Variants in MAN2B2 observed in about 807,000 individuals in gnomAD.
The protein encoded by MAN2B2 is mannosidase alpha class 2B member 2.
MAN2B2 carries 106 observed loss-of-function variants against 117.1 expected under a neutral mutation model. The ratio of observed to expected loss-of-function variants is 0.90; its 90% CI spans 0.77 to 1.06. The LOEUF (loss-of-function observed/expected upper bound fraction) is 1.06. Ranked by LOEUF, MAN2B2 falls within the 50% of genes least tolerant of loss-of-function variation. The pLI, the probability that MAN2B2 is intolerant of heterozygous loss-of-function variation, is 0.00. For missense variants in MAN2B2, 1,326 were observed against 1,381.4 expected (o/e 0.96, Z 0.64); for synonymous variants, 544 against 595.1 (o/e 0.91, Z 1.25).
intron 6 of MAN2B2, among the ~76,000 whole-genome samples, chr4:6,594,197 C>A (rs1036517930): frequency 2.0e-5 from 3 of 152,300 alleles, no homozygotes; most frequent in Non-Finnish European, 2.9e-5. Flanking sequence ...AATCCCAGCA[C>A]TTTGGGAGGC....
At chr4:6,579,166 C>T (rs796219667) in intron 3 of MAN2B2, among the ~76,000 whole-genome samples, 4 of 95,408 alleles carry the variant, frequency 4.2e-5, no homozygotes, top group Non-Finnish European at 7.0e-5. Flanking sequence ...CCATCACCAC[C>T]ACCACCACCA....
chr4:6,615,029 G>A (rs994831898), intron 16 of MAN2B2, among the ~76,000 whole-genome samples: 3 of 152,224 alleles, frequency 2.0e-5, no homozygotes, highest in African/African-American at 7.2e-5. Flanking sequence ...CGTGAGCAGT[G>A]GAAAGGCAGG....
intron 17 of MAN2B2, chr4:6,617,839 A>C (rs76883859): frequency 0.11 from 21,152 of 190,768 alleles, 1,377 homozygotes; most frequent in African/African-American, 0.15. Context: ...CGCCACCACG[A>C]TGGCTAAGTT....
intron 15 of MAN2B2, among the ~76,000 whole-genome samples, 177 bp downstream of exon 15, chr4:6,611,455 A>C (rs1350325155): frequency 6.6e-6 from 1 of 152,200 alleles, no homozygotes; most frequent in Non-Finnish European, 1.5e-5. Context: ...GAGGGCAAAC[A>C]GTGGCTCACT....
intron 16 of MAN2B2, among the ~76,000 whole-genome samples, chr4:6,615,663 G>A (rs907946391): frequency 6.6e-6 from 1 of 152,054 alleles, no homozygotes; most frequent in Non-Finnish European, 1.5e-5. Context: ...AGGCGGGTGT[G>A]GTGATGCTTG....
chr4:6,608,476 C>T (rs1727632181), intron 11 of MAN2B2, among the ~76,000 whole-genome samples: 2 of 152,206 alleles, frequency 1.3e-5, no homozygotes, highest in Admixed American at 1.3e-4. Flanking sequence ...ATACTTGACC[C>T]CCTCCTGCTC....
chr4:6,575,372 C>A (rs1017710962), intron 1 of MAN2B2, 24 bp downstream of exon 1: 16 of 1,475,204 alleles, frequency 1.1e-5, no homozygotes, highest in Admixed American at 4.2e-5. Context: ...ACGCCCCGCG[C>A]GCCCCTGAGG....
At chr4:6,586,888 A>G (rs1726650196) in intron 3 of MAN2B2, 108 bp from the exon 4 acceptor site, 2 of 957,098 alleles carry the variant, frequency 2.1e-6, no homozygotes, top group Admixed American at 2.2e-5. Context: ...CTGGCCCAGT[A>G]GCTGGCACTG....
chr4:6,614,679 C>T (rs1711775682), intron 16 of MAN2B2, among the ~76,000 whole-genome samples: 1 of 152,238 alleles, frequency 6.6e-6, no homozygotes, highest in Non-Finnish European at 1.5e-5. Flanking sequence ...GCCAGTCCTA[C>T]TTCTTCCAGG....
At chr4:6,583,413 A>AGT (rs1310419781) in intron 3 of MAN2B2, among the ~76,000 whole-genome samples, 1 of 152,112 alleles carries the variant, frequency 6.6e-6, no homozygotes, top group African/African-American at 2.4e-5. Flanking sequence ...ACCAAGAAGG[A>AGT]GTGTGTGGTT....
chr4:6,622,275 G>A lies in MAN2B2; in HGVS notation c.*990G>A, dbSNP rs778593508. The A allele has an allele frequency of 3.3e-5, 5 of 152,212 alleles. No individual in the cohort carries two copies. The highest frequency in any genetic ancestry group is 6.5e-5 in the Admixed American group (1 of 15,284). The allele number at this position is 152,212 out of a possible 1,614,324, so 9.4% of individuals were successfully genotyped here. A position where few individuals can be genotyped will look rare whatever the true frequency, so the allele number is the denominator to read the frequency against. On this transcript the variant is annotated 3_prime_UTR_variant, in exon 19 of 19. Coordinates refer to ENST00000285599, the MANE Select transcript of MAN2B2 (RefSeq NM_015274.3). ...CATTGGTGGTTGCCAGGTACTGGAG[G>A]AAGAGAGAAGAGGCATGACAGCTAA...
intron 15 of MAN2B2, among the ~76,000 whole-genome samples, 196 bp downstream of exon 15, chr4:6,611,474 T>TA (rs1711550631): frequency 1.3e-5 from 2 of 152,198 alleles, no homozygotes. Flanking sequence ...CTTAAGGTCA[T>TA]ACAACTAGGA....
intron 17 of MAN2B2, 107 bp downstream of exon 17, chr4:6,617,599 T>G (rs1413820650): frequency 7.8e-6 from 12 of 1,548,082 alleles, no homozygotes; most frequent in Non-Finnish European, 1.0e-5. Context: ...TCCTCCCAAA[T>G]GGACGCTGGT....
chr4:6,600,616 T>C lies in MAN2B2; in HGVS notation c.1406-7T>C, dbSNP rs571057131. 32 of 1,613,586 alleles carry C rather than the reference T, an allele frequency of 2.0e-5. No homozygotes were observed. The African/African-American group carries it at 2.9e-4, about 15-fold the overall frequency. Reference sequence around the variant, plus strand: ...TGGCACAAGCAAAGCCTCTTCTCTGTGTGCAGATGCAGGACCTGCAGGACA... The same window carrying C: ...TGGCACAAGCAAAGCCTCTTCTCTGCGTGCAGATGCAGGACCTGCAGGACA... On this transcript the variant is annotated splice_polypyrimidine_tract_variant and splice_region_variant and intron_variant, in intron 9 of 18. Coordinates refer to ENST00000285599, the MANE Select transcript of MAN2B2 (RefSeq NM_015274.3).
At chr4:6,619,691 C>G in intron 17 of MAN2B2, 1 of 448,616 alleles carries the variant, frequency 2.2e-6, no homozygotes, top group Non-Finnish European at 4.1e-6. Flanking sequence ...AGCTCGGCCA[C>G]CTGGTAAAGC....
At chr4:6,606,033 G>A (rs372912601) in intron 11 of MAN2B2, among the ~76,000 whole-genome samples, 47 of 152,332 alleles carry the variant, frequency 3.1e-4, no homozygotes, top group African/African-American at 1.1e-3. Flanking sequence ...GGCCACGTCC[G>A]GTGGAGTCTT....
Position 6,600,122 on chromosome 4 carries a change from G to C in MAN2B2, c.1406-501G>C, listed in dbSNP as rs111733343. Among the ~76,000 whole-genome samples the C allele has an allele frequency of 2.3e-3, 353 of 152,312 alleles. 2 individuals are homozygous for C. Among genetic ancestry groups the C allele is most frequent in the African/African-American group, 7.9e-3 (328 of 41,572 alleles). On this transcript the variant is annotated intron_variant, in intron 9 of 18. Coordinates refer to ENST00000285599, the MANE Select transcript of MAN2B2 (RefSeq NM_015274.3). ...CAGACCTCACACACATGGGCTGGTA[G>C]GATGCAACAGAAAGAGAGGCCAGGT...
At chr4:6,612,354 G>A (rs911743255) in intron 15 of MAN2B2, among the ~76,000 whole-genome samples, 3 of 152,240 alleles carry the variant, frequency 2.0e-5, no homozygotes, top group Non-Finnish European at 4.4e-5. Flanking sequence ...CTGGTGTTTC[G>A]TGGGTGTAGA....
At chr4:6,600,452 T>C (rs1421385670) in intron 9 of MAN2B2, among the ~76,000 whole-genome samples, 171 bp from the exon 10 acceptor site, 1 of 152,232 alleles carries the variant, frequency 6.6e-6, no homozygotes, top group African/African-American at 2.4e-5. Flanking sequence ...TAGCCCACGC[T>C]GTGTCTGTGG....
Sources: allele counts gnomAD v4.1 joint callset (sites outside exome capture counted in the v4.1 genomes callset), GRCh38; gene constraint gnomAD v4.1.1; transcripts MANE v1.5; gene names NCBI Gene and HGNC (gene_info 2026-07-23, HGNC 2026-07-21).